The following INKA2 variants were observed in gnomAD, a reference collection of about 807,000 sequenced individuals.
INKA2 encodes inka box actin regulator 2, also known as PAK4-inhibitor INKA2.
In INKA2, 3 loss-of-function variants were observed where a neutral mutation model predicts 9.8. The ratio of observed to expected loss-of-function variants is 0.31; its 90% CI spans 0.14 to 0.79. The LOEUF is 0.79. INKA2 is among the 30% of genes least tolerant of loss of function. The pLI, the probability that INKA2 is intolerant of heterozygous loss-of-function variation, is 0.62. For missense variants in INKA2, 392 were observed against 384.4 expected (o/e 1.02, Z -0.17); for synonymous variants, 147 against 143.3 (o/e 1.03, Z -0.18).
chr1:111,733,858 C>G (rs1662960008), intron 1 of INKA2, among the ~76,000 whole-genome samples: 1 of 152,224 alleles, frequency 6.6e-6, no homozygotes, highest in Non-Finnish European at 1.5e-5. Flanking sequence ...CCATCTCACG[C>G]CCTCTCCCAG....
intron 1 of INKA2, among the ~76,000 whole-genome samples, chr1:111,729,484 T>A (rs1160820485): frequency 6.6e-6 from 1 of 152,172 alleles, no homozygotes; most frequent in Non-Finnish European, 1.5e-5. Context: ...GAGATTGACT[T>A]GGGTGAGGGC....
In INKA2 at chr1:111,725,925, C is replaced by T. The variant is rs530215117; in HGVS notation, c.*1043G>A. 1.2e-4 allele frequency: 45 copies of T among 376,022 alleles called. No homozygotes were observed. The East Asian group carries it at 1.3e-3, about 11-fold the overall frequency. The allele number at this position is 376,022 out of a possible 1,614,324, so 23.3% of individuals were successfully genotyped here. ...TTTTTACGTATTTTTTTAGTAGAGA[C>T]GGGGTTTCACCATGTTGGCCAGGCT... On this transcript the variant is annotated 3_prime_UTR_variant, in exon 2 of 2. Coordinates refer to ENST00000357260, the MANE Select transcript of INKA2 (RefSeq NM_019099.5).
chr1:111,752,694 CTTTT>C (rs907281928), intron 1 of INKA2, among the ~76,000 whole-genome samples: 2 of 146,578 alleles, frequency 1.4e-5, no homozygotes, highest in African/African-American at 5.0e-5. Flanking sequence ...TTTTCTTTTT[CTTTT>C]TTTTTTTTCT....
At chr1:111,738,425 C>A (rs1030943753) in intron 1 of INKA2, among the ~76,000 whole-genome samples, 1 of 151,944 alleles carries the variant, frequency 6.6e-6, no homozygotes, top group Admixed American at 6.5e-5. Context: ...TACTTCTCCC[C>A]CTCCCCGTAC....
rs944283662 is a variant in INKA2 at position 111,725,147 on chromosome 1, G to T, written c.*1821C>A. The T allele has an allele frequency of 2.0e-4, 30 of 152,188 alleles. No homozygotes were observed. Among genetic ancestry groups the T allele is most frequent in the African/African-American group, 6.3e-4 (26 of 41,398 alleles). The allele number at this position is 152,188 out of a possible 1,614,324, so 9.4% of individuals were successfully genotyped here. On this transcript the variant is annotated 3_prime_UTR_variant, in exon 2 of 2. Transcript: ENST00000357260. ...TGCCCCTCTCTCCACTCTCCCCAGG[G>T]ATCCAGGAAGCAAGCAGAAGAGCCT...
intron 1 of INKA2, among the ~76,000 whole-genome samples, chr1:111,733,665 G>A (rs575376318): frequency 6.6e-6 from 1 of 152,294 alleles, no homozygotes; most frequent in African/African-American, 2.4e-5. Context: ...TTCCAGCCCT[G>A]AGCCCCACAG....
intron 1 of INKA2, among the ~76,000 whole-genome samples, chr1:111,752,734 C>T (rs1389868413): frequency 1.3e-5 from 2 of 151,800 alleles, no homozygotes; most frequent in East Asian, 3.9e-4. Flanking sequence ...CGCTCTGTTG[C>T]CCAGGCTAGA....
chr1:111,735,549 C>T (rs1009949899), intron 1 of INKA2, among the ~76,000 whole-genome samples: 1 of 152,160 alleles, frequency 6.6e-6, no homozygotes, highest in Non-Finnish European at 1.5e-5. Flanking sequence ...GGCCTGACCC[C>T]AAATCTTATA....
intron 1 of INKA2, among the ~76,000 whole-genome samples, chr1:111,749,945 A>ACGTC (rs1232011321): frequency 2.8e-4 from 1 of 3,630 alleles, no homozygotes; most frequent in East Asian, 0.013. Flanking sequence ...GATGCCATGA[A>ACGTC]CCTCCCTAAT....
chr1:111,739,580 G>A (rs1417739379), upstream of INKA2, among the ~76,000 whole-genome samples: 4 of 152,246 alleles, frequency 2.6e-5, no homozygotes, highest in African/African-American at 9.6e-5. Flanking sequence ...ACTGGGGCTG[G>A]CGAGGACACA....
At chr1:111,729,832 T>TG (rs1039304022) in intron 1 of INKA2, among the ~76,000 whole-genome samples, 63 of 152,196 alleles carry the variant, frequency 4.1e-4, no homozygotes, top group Non-Finnish European at 1.5e-4. Context: ...ACCCTGGCCC[T>TG]GGGGGGGATG....
rs1553232613 is a variant in INKA2, at chr1:111,745,265, T to TTTTATATATATATATATATATATA, written n.124+10435_124+10436insTATATATATATATATATATATAAA. The TTTTATATATATATATATATATATA allele has an allele frequency of 1.3e-4, 6 of 45,100 alleles. 1 individual carries two copies. Among genetic ancestry groups the TTTTATATATATATATATATATATA allele is most frequent in the Admixed American group, 3.9e-4 (1 of 2,588 alleles). The allele number at this position is 45,100 out of a possible 1,614,324, so 2.8% of individuals were successfully genotyped here. A position where few individuals can be genotyped will look rare whatever the true frequency, so the allele number is the denominator to read the frequency against. ...ACACACACACACACACACAGAGATA[T>TTTTATATATATATATATATATATA]TATATATATATATATATATATATAT... On this transcript the variant is annotated intron_variant and non_coding_transcript_variant, in intron 1 of 1. Coordinates refer to the INKA2 transcript ENST00000444059.
intron 1 of INKA2, among the ~76,000 whole-genome samples, chr1:111,732,568 T>TACACAC (rs3085876): frequency 0.031 from 4,376 of 142,926 alleles, 131 homozygotes; most frequent in African/African-American, 0.083. Context: ...CTCTCTCTGT[T>TACACAC]ACACACACAC....
intron 1 of INKA2, among the ~76,000 whole-genome samples, chr1:111,736,502 C>T (rs974929646): frequency 3.3e-5 from 5 of 152,194 alleles, no homozygotes; most frequent in Admixed American, 2.0e-4. Context: ...ATTTCACAAC[C>T]TGTTAATGTT....
At chr1:111,730,115 C>G (rs144896789) in intron 1 of INKA2, among the ~76,000 whole-genome samples, 429 of 152,092 alleles carry the variant, frequency 2.8e-3, no homozygotes, top group African/African-American at 9.7e-3. Context: ...TGTTGACAGC[C>G]CCTCTCTCTG....
chr1:111,727,454 C>G lies in INKA2; in HGVS notation c.408G>C (p.Val136=), dbSNP rs1662809328. The G allele has an allele frequency of 1.2e-6, 2 of 1,614,114 alleles. No individual in the cohort carries two copies. The highest frequency in any genetic ancestry group is 3.3e-5 in the Admixed American group (2 of 60,010). ...ACGTGGAGGTCCAGTCATCCGGTTC[C>G]ACTCGCTCTGGCCCCTGCTGAGCAC... ...QSCAQQGPER[V]EPDDWTSTLM... is the part of the protein sequence containing the mutation. The change falls in exon 2 of 2, where the codon GTG becomes GTC. Residue 136 remains valine, a synonymous_variant. Transcript: ENST00000357260.
intron 1 of INKA2, among the ~76,000 whole-genome samples, chr1:111,735,323 A>G (rs1397134795): frequency 6.6e-6 from 1 of 152,226 alleles, no homozygotes; most frequent in East Asian, 1.9e-4. Context: ...AACCATCATC[A>G]ACAGTTTACC....
At chr1:111,755,797 T>G in exon 1 of INKA2, 1 of 1,608,984 alleles carries the variant, frequency 6.2e-7, no homozygotes, top group Non-Finnish European at 8.5e-7. Flanking sequence ...CTCCCGTCCC[T>G]TTCTTCCACT....
chr1:111,751,099 T>A (rs932569006), intron 1 of INKA2, among the ~76,000 whole-genome samples: 1 of 152,246 alleles, frequency 6.6e-6, no homozygotes, highest in Non-Finnish European at 1.5e-5. Flanking sequence ...CAGCCCCCAC[T>A]GCTTCACAGG....
Sources: gnomAD v4.1 joint callset for allele counts (sites outside exome capture counted in the v4.1 genomes callset) on GRCh38, gnomAD v4.1.1 for gene constraint, MANE v1.5 for transcripts, NCBI Gene and HGNC (gene_info 2026-07-23, HGNC 2026-07-21) for gene names.